The following CENPP variants were observed in gnomAD, a reference collection of about 807,000 sequenced individuals.
The protein encoded by CENPP is centromere protein P.
A neutral mutation model predicts 35.6 loss-of-function variants in CENPP; 24 were observed. That is an observed-to-expected ratio of 0.67 (90% confidence interval 0.49 to 0.95). CENPP has a LOEUF of 0.95. Ranked by LOEUF, CENPP falls within the 40% of genes least tolerant of loss-of-function variation. The pLI is 0.00. For synonymous variants in CENPP, 120 were observed against 125.5 expected, an observed-to-expected ratio of 0.96 and a Z score of 0.29; for missense variants, 332 against 345.3, an observed-to-expected ratio of 0.96 and a Z score of 0.31.
At chr9:92,513,260 A>G (rs538705987) in intron 5 of CENPP, among the ~76,000 whole-genome samples, 3 of 152,184 alleles carry the variant, frequency 2.0e-5, no homozygotes, top group Admixed American at 2.0e-4. Context: ...CTAGATGACC[A>G]CATTCCCTCT....
At chr9:92,415,400 T>G (rs1353920674) in intron 5 of CENPP, 2 of 1,613,722 alleles carry the variant, frequency 1.2e-6, no homozygotes, top group South Asian at 2.2e-5. Flanking sequence ...TTTAGTTTAT[T>G]TTGGTCCACA....
rs1022049584 is a variant in CENPP at position 92,490,582 on chromosome 9, G to A, written c.564+110723G>A. Among the ~76,000 whole-genome samples the A allele has an allele frequency of 7.9e-5, 12 of 152,154 alleles. No homozygotes were observed. In the East Asian group the frequency reaches 9.7e-4, roughly 12 times the overall value. On this transcript the variant is annotated intron_variant, in intron 5 of 7. Coordinates refer to ENST00000375587, the MANE Select transcript of CENPP (RefSeq NM_001012267.3). The stretch of plus-strand genomic sequence containing the variant: ...TCAATATCATAAAGGGTTTTACTCC[G>A]CCCTTTGGAAGTTTCACTTCAACAG...
chr9:92,583,002 A>C (rs752582514), intron 5 of CENPP, among the ~76,000 whole-genome samples: 6 of 152,188 alleles, frequency 3.9e-5, no homozygotes, highest in Non-Finnish European at 7.3e-5. Flanking sequence ...TCTGCAGAAC[A>C]GCTTTCACTG....
chr9:92,588,568 A>G (rs1245427782), intron 5 of CENPP, among the ~76,000 whole-genome samples: 1 of 152,010 alleles, frequency 6.6e-6, no homozygotes, highest in Non-Finnish European at 1.5e-5. Flanking sequence ...TGAGTTTTAA[A>G]AGGTTTTTCT....
At chr9:92,477,783 A>T (rs976605325) in intron 5 of CENPP, among the ~76,000 whole-genome samples, 10 of 152,182 alleles carry the variant, frequency 6.6e-5, no homozygotes, top group Admixed American at 5.9e-4. Flanking sequence ...GTAATACGAG[A>T]TCGTAAAGTT....
At chr9:92,582,681 A>G (rs1429682239) in intron 5 of CENPP, among the ~76,000 whole-genome samples, 1 of 151,680 alleles carries the variant, frequency 6.6e-6, no homozygotes, top group Non-Finnish European at 1.5e-5. Flanking sequence ...GTCACTATGT[A>G]ATGGAATAGA....
chr9:92,513,276 G>A (rs551007426), intron 5 of CENPP, among the ~76,000 whole-genome samples: 1 of 152,174 alleles, frequency 6.6e-6, no homozygotes, highest in Non-Finnish European at 1.5e-5. Context: ...CCTCTAGAAT[G>A]TCAAAAAGGA....
At chr9:92,507,103 A>G (rs1263578293) in intron 5 of CENPP, among the ~76,000 whole-genome samples, 2 of 152,064 alleles carry the variant, frequency 1.3e-5, no homozygotes, top group African/African-American at 4.8e-5. Context: ...ACCCTGGACA[A>G]CAACGTCTGG....
chr9:92,396,487 A>G (rs952377267), intron 5 of CENPP, among the ~76,000 whole-genome samples: 1 of 151,766 alleles, frequency 6.6e-6, no homozygotes, highest in African/African-American at 2.4e-5. Context: ...AACATAATAC[A>G]TTTCTCCTTA....
At chr9:92,436,920 C>T (rs1217162656) in intron 5 of CENPP, among the ~76,000 whole-genome samples, 1 of 152,120 alleles carries the variant, frequency 6.6e-6, no homozygotes, top group East Asian at 1.9e-4. Context: ...AAGAAATCTG[C>T]TGGGTGTGGT....
In CENPP at chr9:92,386,265, T is replaced by G. The variant is rs1038814631; in HGVS notation, c.564+6406T>G. ...AGGCACGGATTCCAGGGCATTATGG[T>G]CCAAGTAGAGGAAGGTGAGGTTATT... On this transcript the variant is annotated intron_variant, in intron 5 of 7. Transcript: ENST00000375587. 1.9e-6 allele frequency: 3 copies of G among 1,613,538 alleles called. No homozygotes were observed. In the Admixed American group the frequency reaches 5.0e-5, roughly 27 times the overall value.
chr9:92,342,589 C>G (rs1008797039), intron 3 of CENPP, among the ~76,000 whole-genome samples: 1 of 152,166 alleles, frequency 6.6e-6, no homozygotes, highest in Non-Finnish European at 1.5e-5. Flanking sequence ...TTTTATGATT[C>G]TTCTTGAAGA....
intron 2 of CENPP, among the ~76,000 whole-genome samples, chr9:92,335,380 G>A (rs1401781386): frequency 6.6e-6 from 1 of 152,026 alleles, no homozygotes; most frequent in Admixed American, 6.6e-5. Context: ...AAAATAAAGT[G>A]GTTGCTGTAG....
chr9:92,336,923 G>C (rs1564265094), intron 2 of CENPP, among the ~76,000 whole-genome samples: 1 of 152,168 alleles, frequency 6.6e-6, no homozygotes, highest in Non-Finnish European at 1.5e-5. Context: ...TTAAGTACTA[G>C]ATAGTGTTGA....
chr9:92,470,984 T>G (rs1479385359), intron 5 of CENPP, among the ~76,000 whole-genome samples: 3 of 152,020 alleles, frequency 2.0e-5, no homozygotes, highest in African/African-American at 7.3e-5. Flanking sequence ...TTTTACAAGG[T>G]GTCTAGATTG....
chr9:92,584,611 G>C (rs1850500816), intron 5 of CENPP, among the ~76,000 whole-genome samples: 1 of 152,142 alleles, frequency 6.6e-6, no homozygotes, highest in South Asian at 2.1e-4. Flanking sequence ...AAAGTGCTGG[G>C]ATATGCCTGG....
chr9:92,514,085 A>G (rs1317433011), intron 5 of CENPP, among the ~76,000 whole-genome samples: 1 of 151,746 alleles, frequency 6.6e-6, no homozygotes, highest in Non-Finnish European at 1.5e-5. Flanking sequence ...TTAGGATGAA[A>G]TTAAAATACA....
intron 5 of CENPP, among the ~76,000 whole-genome samples, chr9:92,502,220 T>A (rs891851310): frequency 2.0e-5 from 3 of 152,150 alleles, no homozygotes; most frequent in African/African-American, 7.2e-5. Flanking sequence ...GGGGCTCAGT[T>A]CTTGCTAGCT....
chr9:92,471,086 G>A (rs916115397), intron 5 of CENPP, among the ~76,000 whole-genome samples: 1 of 152,160 alleles, frequency 6.6e-6, no homozygotes, highest in African/African-American at 2.4e-5. Flanking sequence ...ACCAACCACT[G>A]AGGTGCAGCT....
Sources: allele counts gnomAD v4.1 joint callset (sites outside exome capture counted in the v4.1 genomes callset), GRCh38; gene constraint gnomAD v4.1.1; transcripts MANE v1.5; gene names NCBI Gene and HGNC (gene_info 2026-07-23, HGNC 2026-07-21).